The following MACROD2 variants were observed in gnomAD, a reference collection of about 807,000 sequenced individuals.
The protein encoded by MACROD2 is mono-ADP ribosylhydrolase 2, also known as ADP-ribose glycohydrolase MACROD2.
A neutral mutation model predicts 70.4 loss-of-function variants in MACROD2; 36 were observed. The ratio of observed to expected loss-of-function variants is 0.51; its 90% CI spans 0.39 to 0.68. The LOEUF (loss-of-function observed/expected upper bound fraction) is 0.68. MACROD2 is among the 30% of genes least tolerant of loss of function. The pLI, the probability that MACROD2 is intolerant of heterozygous loss-of-function variation, is 0.00. For missense variants in MACROD2, 496 were observed against 538.4 expected (o/e 0.92, Z 0.78); for synonymous variants, 172 against 178.8 (o/e 0.96, Z 0.30).
At chr20:15,499,983 C>G in intron 8 of MACROD2, 136 bp downstream of exon 8, 2 of 735,776 alleles carry the variant, frequency 2.7e-6, no homozygotes, top group East Asian at 2.7e-5. Flanking sequence ...CCATTCTTCA[C>G]TTGGGTTACA....
At chr20:14,964,551 C>A (rs978781455) in intron 5 of MACROD2, among the ~76,000 whole-genome samples, 1 of 149,878 alleles carries the variant, frequency 6.7e-6, no homozygotes, top group Admixed American at 6.7e-5. Flanking sequence ...TCAGCCTGGG[C>A]GACAGAGCAA....
chr20:15,906,354 T>C (rs542438856), intron 10 of MACROD2, among the ~76,000 whole-genome samples: 1 of 152,254 alleles, frequency 6.6e-6, no homozygotes. Flanking sequence ...AATCTCAAAC[T>C]TACAGCAAAT....
In MACROD2 at chr20:14,015,469, C is replaced by T. The variant is rs1250141367; in HGVS notation, c.163+13065C>T. Among the ~76,000 whole-genome samples, 5 of 152,190 alleles carry T rather than the reference C, an allele frequency of 3.3e-5. 1 individual carries two copies. Among genetic ancestry groups the T allele is most frequent in the Admixed American group, 2.6e-4 (4 of 15,274 alleles). ...GTGTGCACTTGTTGTCCCACCTATT[C>T]AGGAGGCTGAAGTAGGAGGATTGCT... On this transcript the variant is annotated intron_variant, in intron 2 of 17. Coordinates refer to ENST00000684519, the MANE Select transcript of MACROD2 (RefSeq NM_001351661.2).
intron 6 of MACROD2, among the ~76,000 whole-genome samples, chr20:15,302,387 C>CACACACACGACAT (rs6147301): frequency 0.24 from 35,643 of 150,386 alleles, 4,493 homozygotes; most frequent in Non-Finnish European, 0.28. Context: ...CACACATACA[C>CACACACACGACAT]ACATACAGAT....
chr20:14,950,074 A>G (rs1349888131), intron 5 of MACROD2, among the ~76,000 whole-genome samples: 1 of 152,108 alleles, frequency 6.6e-6, no homozygotes, highest in African/African-American at 2.4e-5. Context: ...ACCTCAGCTG[A>G]TCACTTGGCA....
chr20:14,771,844 CT>C (rs761252081), intron 5 of MACROD2, among the ~76,000 whole-genome samples: 3 of 151,216 alleles, frequency 2.0e-5, no homozygotes, highest in South Asian at 2.1e-4. Context: ...ATAAGTAATT[CT>C]TTTTTTCTTT....
At chr20:14,298,018 G>T (rs905852751) in intron 3 of MACROD2, among the ~76,000 whole-genome samples, 1 of 151,860 alleles carries the variant, frequency 6.6e-6, no homozygotes, top group Non-Finnish European at 1.5e-5. Context: ...CTCTGTAAAT[G>T]GAAGAATGAA....
At chr20:15,179,386 T>G (rs562451268) in intron 5 of MACROD2, among the ~76,000 whole-genome samples, 32 of 152,276 alleles carry the variant, frequency 2.1e-4, no homozygotes, top group African/African-American at 7.7e-4. Flanking sequence ...ACAAGCTACT[T>G]GGAATCAAAG....
chr20:14,332,392 G>A (rs1051654354), intron 3 of MACROD2, among the ~76,000 whole-genome samples: 1 of 152,038 alleles, frequency 6.6e-6, no homozygotes, highest in Non-Finnish European at 1.5e-5. Context: ...ATGTTTATGT[G>A]ATTTCTTCCC....
At chr20:15,916,834 A>G (rs972363157) in intron 10 of MACROD2, among the ~76,000 whole-genome samples, 3 of 152,172 alleles carry the variant, frequency 2.0e-5, no homozygotes, top group Admixed American at 6.5e-5. Flanking sequence ...TCACTCCGCA[A>G]TGAGTTCAGG....
At chr20:15,414,460 C>T (rs544180063) in intron 6 of MACROD2, among the ~76,000 whole-genome samples, 4 of 152,260 alleles carry the variant, frequency 2.6e-5, no homozygotes, top group South Asian at 2.1e-4. Context: ...AAGCTGTAGA[C>T]GTGTCATGGA....
intron 5 of MACROD2, among the ~76,000 whole-genome samples, chr20:15,050,852 A>G (rs2075434328): frequency 6.6e-6 from 1 of 152,094 alleles, no homozygotes; most frequent in Non-Finnish European, 1.5e-5. Context: ...TTATTTATAC[A>G]TATATGTAAA....
Position 16,046,001 on chromosome 20 carries a change from A to G in MACROD2, c.1300+1362A>G, listed in dbSNP as rs1283903952. Among the ~76,000 whole-genome samples the G allele has an allele frequency of 5.9e-5, 9 of 152,248 alleles. No individual in the cohort carries two copies. In the East Asian group the frequency reaches 1.5e-3, roughly 26 times the overall value. Reference sequence around the variant, plus strand: ...TAAAATATTTAGTTGTTAAAAAAAAAAGAAAAAAACCTATGGAATAAATGA... The same window carrying G: ...TAAAATATTTAGTTGTTAAAAAAAAGAGAAAAAAACCTATGGAATAAATGA... On this transcript the variant is annotated intron_variant, in intron 17 of 17. Coordinates refer to ENST00000684519, the MANE Select transcript of MACROD2 (RefSeq NM_001351661.2).
chr20:14,877,999 G>A (rs980536204), intron 5 of MACROD2, among the ~76,000 whole-genome samples: 10 of 152,072 alleles, frequency 6.6e-5, no homozygotes, highest in Admixed American at 6.6e-4. Flanking sequence ...GAAGGAGTTA[G>A]GGAAGAGTCC....
chr20:14,295,161 T>A (rs2082416628), intron 3 of MACROD2, among the ~76,000 whole-genome samples: 1 of 151,912 alleles, frequency 6.6e-6, no homozygotes, highest in Admixed American at 6.6e-5. Context: ...CACGTGTGTG[T>A]TTTTACTATC....
chr20:14,364,403 C>A (rs77292429), intron 3 of MACROD2, among the ~76,000 whole-genome samples: 12 of 152,060 alleles, frequency 7.9e-5, no homozygotes, highest in Admixed American at 7.2e-4. Flanking sequence ...ATGATTTGTG[C>A]GCTTTGTCCC....
chr20:14,213,247 T>C (rs980715617), intron 3 of MACROD2, among the ~76,000 whole-genome samples: 2 of 147,532 alleles, frequency 1.4e-5, no homozygotes, highest in Non-Finnish European at 3.0e-5. Flanking sequence ...TTTTTTCTAA[T>C]GAAATTCACT....
intron 5 of MACROD2, among the ~76,000 whole-genome samples, chr20:15,200,011 T>G (rs2076641584): frequency 6.6e-6 from 1 of 152,222 alleles, no homozygotes; most frequent in Non-Finnish European, 1.5e-5. Context: ...TTTTCAAGTC[T>G]AAACACTTAA....
intron 8 of MACROD2, among the ~76,000 whole-genome samples, chr20:15,555,874 A>G (rs1315874117): frequency 6.6e-6 from 1 of 151,562 alleles, no homozygotes; most frequent in Non-Finnish European, 1.5e-5. Flanking sequence ...AAGAAAAGGA[A>G]AGAACCATAA....
Sources: gnomAD v4.1 joint callset for allele counts (sites outside exome capture counted in the v4.1 genomes callset) on GRCh38, gnomAD v4.1.1 for gene constraint, MANE v1.5 for transcripts, NCBI Gene and HGNC (gene_info 2026-07-23, HGNC 2026-07-21) for gene names.